The following GNAQ variants were observed in gnomAD, a reference collection of about 807,000 sequenced individuals.
The protein encoded by GNAQ is guanine nucleotide-binding protein G(q) subunit alpha.
Under a neutral mutation model 43.9 loss-of-function variants are expected in GNAQ, and 8 were observed. The observed-to-expected ratio is 0.18, with a 90% CI of 0.11 to 0.33. The LOEUF (loss-of-function observed/expected upper bound fraction) is 0.33, where lower values mean the gene tolerates loss of function less well. Among genes scored for constraint, GNAQ ranks in the 10% least tolerant of loss-of-function variants. The pLI is 1.00. For synonymous variants in GNAQ, 155 were observed against 170.7 expected (o/e 0.91, Z 0.71); for missense variants, 158 against 450.8 (o/e 0.35, Z 5.88).
chr9:77,928,027 AAGT>A, intron 1 of GNAQ, among the ~76,000 whole-genome samples: 1 of 152,226 alleles, frequency 6.6e-6, no homozygotes. Flanking sequence ...CACTTGGATG[AAGT>A]AGAACTAGAA....
rs76945430 is a variant in GNAQ at position 78,014,698 on chromosome 9, A to G, written c.136+16402T>C. 8.1e-3 allele frequency among the ~76,000 whole-genome samples: 1,241 copies of G among 152,336 alleles called. 11 individuals carry two copies. The highest frequency in any genetic ancestry group is 0.017 in the Middle Eastern group (5 of 294). On this transcript the variant is annotated intron_variant, in intron 1 of 6. Transcript: ENST00000286548. ...TACATCAAGTAAATGTAAACAACAG[A>G]ACAATATTAATAACGATGCTGAGTT...
At chr9:77,946,840 T>C (rs778991126) in intron 1 of GNAQ, among the ~76,000 whole-genome samples, 1 of 152,210 alleles carries the variant, frequency 6.6e-6, no homozygotes, top group Non-Finnish European at 1.5e-5. Flanking sequence ...ACTTTCTTCA[T>C]CTGCAAAATG....
At chr9:77,816,187 T>C (rs1163476196) in intron 2 of GNAQ, among the ~76,000 whole-genome samples, 3 of 152,154 alleles carry the variant, frequency 2.0e-5, no homozygotes, top group Admixed American at 1.3e-4. Flanking sequence ...AGCCAGCTTA[T>C]GGGTGTTGTA....
At chr9:77,795,127 C>T (rs1407000410) in intron 4 of GNAQ, among the ~76,000 whole-genome samples, 2 of 152,112 alleles carry the variant, frequency 1.3e-5, no homozygotes, top group Admixed American at 6.5e-5. Flanking sequence ...TCAGCAGGGT[C>T]GGCATGTTGG....
chr9:77,831,688 T>C (rs1253503194), intron 2 of GNAQ, among the ~76,000 whole-genome samples: 1 of 152,234 alleles, frequency 6.6e-6, no homozygotes, highest in Non-Finnish European at 1.5e-5. Flanking sequence ...TTAATATTAC[T>C]GTGCCTGTAA....
In GNAQ at chr9:77,914,159, A is replaced by G. The variant is rs552515853; in HGVS notation, c.321+8002T>C. Among the ~76,000 whole-genome samples, 4 of 152,338 alleles carry G rather than the reference A, an allele frequency of 2.6e-5. No homozygotes were observed. In the South Asian group the frequency reaches 8.3e-4, roughly 32 times the overall value. On this transcript the variant is annotated intron_variant, in intron 2 of 6. Transcript: ENST00000286548. ...GCAAAGATAAAGGGAGGAGAAGAAA[A>G]TGTGGCTAGGAAGTATCTGCAAGAT...
intron 5 of GNAQ, among the ~76,000 whole-genome samples, chr9:77,773,028 T>C (rs1384998162): frequency 3.9e-5 from 6 of 152,252 alleles, no homozygotes; most frequent in African/African-American, 1.4e-4. Flanking sequence ...CCACAGGCTA[T>C]GGGTTGGACA....
chr9:77,768,480 G>A (rs1052294688), intron 5 of GNAQ, among the ~76,000 whole-genome samples: 4 of 152,176 alleles, frequency 2.6e-5, no homozygotes, highest in Non-Finnish European at 5.9e-5. Flanking sequence ...GTGAAATACT[G>A]TGGAAGAAAC....
chr9:77,882,040 C>T (rs931828545), intron 2 of GNAQ, among the ~76,000 whole-genome samples: 3 of 151,972 alleles, frequency 2.0e-5, no homozygotes, highest in Non-Finnish European at 4.4e-5. Context: ...TGAGAGGCTG[C>T]GGCAGGAGAA....
intron 2 of GNAQ, among the ~76,000 whole-genome samples, chr9:77,891,155 CTTATT>C (rs1828398679): frequency 6.6e-6 from 1 of 151,988 alleles, no homozygotes; most frequent in African/African-American, 2.4e-5. Context: ...TTTAGTTTTC[CTTATT>C]TTGATTTTTT....
At chr9:77,881,999 A>G (rs1486978875) in intron 2 of GNAQ, among the ~76,000 whole-genome samples, 4 of 152,134 alleles carry the variant, frequency 2.6e-5, no homozygotes. Flanking sequence ...TCAGCTGGGC[A>G]TGGTGGCGGG....
intron 2 of GNAQ, among the ~76,000 whole-genome samples, chr9:77,921,142 C>T (rs1198000140): frequency 6.6e-6 from 1 of 152,190 alleles, no homozygotes; most frequent in African/African-American, 2.4e-5. Context: ...GCAAGGCTCA[C>T]TTATAGGATC....
intron 1 of GNAQ, among the ~76,000 whole-genome samples, chr9:77,937,186 T>C (rs1332275835): frequency 6.6e-6 from 1 of 152,222 alleles, no homozygotes; most frequent in Non-Finnish European, 1.5e-5. Flanking sequence ...CTCACACCTA[T>C]AATCCCAGCA....
intron 2 of GNAQ, among the ~76,000 whole-genome samples, chr9:77,837,543 G>C (rs1253898384): frequency 1.3e-5 from 2 of 151,844 alleles, no homozygotes; most frequent in Non-Finnish European, 2.9e-5. Context: ...GACAGAGTGA[G>C]ACTCTGTCTC....
At chr9:78,023,481 A>AG (rs1823936931) in intron 1 of GNAQ, among the ~76,000 whole-genome samples, 1 of 152,082 alleles carries the variant, frequency 6.6e-6, no homozygotes, top group Non-Finnish European at 1.5e-5. Context: ...AGGGATGGGT[A>AG]GGGGGGCTAC....
chr9:77,868,537 C>T (rs1827983638), intron 2 of GNAQ, among the ~76,000 whole-genome samples: 1 of 152,174 alleles, frequency 6.6e-6, no homozygotes, highest in Non-Finnish European at 1.5e-5. Context: ...GTGGTTTATG[C>T]CTGTAATCCC....
At chr9:77,888,983 T>C (rs1828355202) in intron 2 of GNAQ, among the ~76,000 whole-genome samples, 1 of 152,186 alleles carries the variant, frequency 6.6e-6, no homozygotes, top group African/African-American at 2.4e-5. Context: ...AACTCCTCTT[T>C]GTCATTCTAC....
intron 3 of GNAQ, among the ~76,000 whole-genome samples, chr9:77,801,207 G>A (rs1409038135): frequency 1.3e-5 from 2 of 152,140 alleles, no homozygotes; most frequent in African/African-American, 4.8e-5. Context: ...TGGATAAGAT[G>A]GAATCAGGCA....
intron 1 of GNAQ, among the ~76,000 whole-genome samples, chr9:77,969,815 G>C (rs1455875450): frequency 6.6e-6 from 1 of 152,158 alleles, no homozygotes; most frequent in East Asian, 1.9e-4. Flanking sequence ...TAAGGCAAAA[G>C]GAGCAAAGTG....
Sources: allele counts gnomAD v4.1 joint callset (sites outside exome capture counted in the v4.1 genomes callset), GRCh38; gene constraint gnomAD v4.1.1; transcripts MANE v1.5; gene names NCBI Gene and HGNC (gene_info 2026-07-23, HGNC 2026-07-21).